MS4A4A: variants seen among roughly 807,000 people sequenced by gnomAD.
MS4A4A encodes membrane spanning 4-domains A4A.
Under a neutral mutation model 28.0 loss-of-function variants are expected in MS4A4A, and 26 were observed. That is an observed-to-expected ratio of 0.93 (90% confidence interval 0.68 to 1.29). MS4A4A has a LOEUF of 1.29. MS4A4A is among the 50% of genes most tolerant of loss of function. MS4A4A has a pLI of 0.00. For synonymous variants in MS4A4A, 86 were observed against 100.8 expected (o/e 0.85, Z 0.88); for missense variants, 290 against 293.1 (o/e 0.99, Z 0.08).
At chr11:60,285,699 C>T (rs533827004) in intron 1 of MS4A4A, among the ~76,000 whole-genome samples, 10 of 152,104 alleles carry the variant, frequency 6.6e-5, no homozygotes, top group Admixed American at 2.0e-4. Context: ...TTTCAAAAGA[C>T]GAGGAATGTA....
In MS4A4A at chr11:60,302,545, T is replaced by C. The variant is rs760566539; in HGVS notation, c.388-14T>C. 6 of 1,613,014 alleles carry C rather than the reference T, an allele frequency of 3.7e-6. No individual in the cohort carries two copies. The highest frequency in any genetic ancestry group is 2.2e-5 in the East Asian group (1 of 44,874). On this transcript the variant is annotated splice_polypyrimidine_tract_variant and intron_variant, in intron 4 of 6. Transcript: ENST00000337908. ...TGTTGTTGGATTGTTTAATTGATTT[T>C]CATTCCTTTCTAGGTCCGAGGTAGT...
chr11:60,284,747 T>C (rs2084789100), intron 1 of MS4A4A, among the ~76,000 whole-genome samples: 1 of 152,238 alleles, frequency 6.6e-6, no homozygotes, highest in African/African-American at 2.4e-5. Context: ...CAGACCTATA[T>C]CGACACTTTA....
chr11:60,288,473 G>A (rs1358555560), intron 1 of MS4A4A, among the ~76,000 whole-genome samples: 4 of 152,214 alleles, frequency 2.6e-5, no homozygotes, highest in Admixed American at 6.5e-5. Context: ...AGCCCATGGG[G>A]CAGGGATGGA....
chr11:60,281,556 T>C (rs2084755654), intron 1 of MS4A4A, among the ~76,000 whole-genome samples: 1 of 152,172 alleles, frequency 6.6e-6, no homozygotes. Flanking sequence ...CCATCATCCT[T>C]CTAAAACCAT....
At chr11:60,300,404 C>G (rs1317491495) in intron 3 of MS4A4A, among the ~76,000 whole-genome samples, 1 of 151,910 alleles carries the variant, frequency 6.6e-6, no homozygotes, top group African/African-American at 2.4e-5. Flanking sequence ...ATCACGAGGT[C>G]AGGAGATCAA....
At chr11:60,302,340 C>T (rs756689921) in intron 4 of MS4A4A, among the ~76,000 whole-genome samples, 5 of 152,064 alleles carry the variant, frequency 3.3e-5, no homozygotes, top group Non-Finnish European at 4.4e-5. Context: ...TATGTGCCCA[C>T]GGGAATCATC....
chr11:60,283,315 C>T (rs1192505305), intron 1 of MS4A4A, among the ~76,000 whole-genome samples: 2 of 152,178 alleles, frequency 1.3e-5, no homozygotes, highest in Non-Finnish European at 2.9e-5. Context: ...GGTCCTCCCA[C>T]CTTGGCCTCC....
chr11:60,305,311 G>A (rs7126121), intron 5 of MS4A4A, among the ~76,000 whole-genome samples: 38,915 of 152,134 alleles, frequency 0.26, 5,143 homozygotes, highest in Middle Eastern at 0.32. Flanking sequence ...ACACAGTTTG[G>A]TTATCTTATG....
chr11:60,280,752 C>G, intron 1 of MS4A4A, 36 bp downstream of exon 1: 1 of 1,611,530 alleles, frequency 6.2e-7, no homozygotes, highest in African/African-American at 1.3e-5. Flanking sequence ...GGCTTTCGGG[C>G]TGATGGCTTG....
In MS4A4A at chr11:60,294,892, A is replaced by ACTACTTCTTCTTCTTCTT. The variant is rs60374079; in HGVS notation, c.202-2303_202-2302insACTTCTTCTTCTTCTTCT. On this transcript the variant is annotated intron_variant, in intron 2 of 6. Coordinates refer to ENST00000337908, the MANE Select transcript of MS4A4A (RefSeq NM_148975.3). ...GGGTAGTGTTAGTCCTACAACTACT[A>ACTACTTCTTCTTCTTCTT]CTTCTTCTTCTTCTTCTTCTTCTTC... Among the ~76,000 whole-genome samples, 525 of 130,914 alleles carry ACTACTTCTTCTTCTTCTT rather than the reference A, an allele frequency of 4.0e-3. 5 individuals carry two copies. Among genetic ancestry groups the ACTACTTCTTCTTCTTCTT allele is most frequent in the Admixed American group, 4.9e-3 (63 of 12,734 alleles). The allele number at this position is 130,914 out of a possible 152,430, so 85.9% of individuals were successfully genotyped here.
At position 60,308,321 on chromosome 11, in the gene MS4A4A, C is replaced by T; in HGVS notation, c.*143C>T. 2 of 721,178 alleles carry T rather than the reference C, an allele frequency of 2.8e-6. No homozygotes were observed. The highest frequency in any genetic ancestry group is 4.6e-6 in the Non-Finnish European group (2 of 432,350). 44.7% of individuals were successfully genotyped at this position (721,178 alleles called of 1,614,324 possible). The stretch of plus-strand genomic sequence containing the variant: ...TTATTATATGTAATCCAATTATGAA[C>T]TGTGTGTGTATAGAGAGATAATAAA... On this transcript the variant is annotated 3_prime_UTR_variant, in exon 7 of 7. Transcript: ENST00000337908.
chr11:60,291,709 A>G lies in MS4A4A; in HGVS notation c.42-516A>G, dbSNP rs147271022. On this transcript the variant is annotated intron_variant, in intron 1 of 6. Transcript: ENST00000337908. ...GCTACTCGGGAGACTGAGGCAGGAGAATCGTTTGAACCCAGGAGGCAGAGG... is the reference window on the plus strand; with the variant it reads ...GCTACTCGGGAGACTGAGGCAGGAGGATCGTTTGAACCCAGGAGGCAGAGG... Among the ~76,000 whole-genome samples the G allele has an allele frequency of 4.9e-3, 743 of 150,982 alleles. 8 individuals are homozygous for G. Among genetic ancestry groups the G allele is most frequent in the African/African-American group, 0.017 (694 of 40,970 alleles).
chr11:60,300,607 C>T (rs1462245265), intron 3 of MS4A4A, among the ~76,000 whole-genome samples: 1 of 99,976 alleles, frequency 1.0e-5, no homozygotes, highest in African/African-American at 4.2e-5. Context: ...CAGAGCGAGA[C>T]TCCGTCTCAA....
chr11:60,284,995 A>G (rs1298553531), intron 1 of MS4A4A, among the ~76,000 whole-genome samples: 2 of 152,248 alleles, frequency 1.3e-5, no homozygotes, highest in African/African-American at 4.8e-5. Flanking sequence ...GAAGACCTAA[A>G]TAGAAGATAT....
chr11:60,307,833 A>G (rs1424644458), intron 6 of MS4A4A, among the ~76,000 whole-genome samples: 1 of 152,122 alleles, frequency 6.6e-6, no homozygotes, highest in Non-Finnish European at 1.5e-5. Context: ...GGTTTACCCA[A>G]CGTACTGTGC....
intron 2 of MS4A4A, among the ~76,000 whole-genome samples, chr11:60,294,928 T>TCTTCTTCTTCTTCTTCTTCTTCTTCTG (rs1437877207): frequency 2.5e-4 from 38 of 150,680 alleles, no homozygotes; most frequent in African/African-American, 8.3e-4. Context: ...TTCTTCTTCT[T>TCTTCTTCTTCTTCTTCTTCTTCTTCTG]CTTCTTCTTC....
intron 1 of MS4A4A, chr11:60,282,726 G>T: frequency 7.8e-7 from 1 of 1,274,362 alleles, no homozygotes; most frequent in Non-Finnish European, 1.0e-6. Context: ...AAATTAAAAG[G>T]AGAGAGATTC....
At chr11:60,303,635 G>A (rs765589140) in intron 5 of MS4A4A, among the ~76,000 whole-genome samples, 52 of 152,132 alleles carry the variant, frequency 3.4e-4, no homozygotes, top group Non-Finnish European at 7.1e-4. Context: ...TTGAAGCTGG[G>A]AGGCGGAGGT....
chr11:60,286,463 A>C (rs1275794232), intron 1 of MS4A4A, among the ~76,000 whole-genome samples: 1 of 152,224 alleles, frequency 6.6e-6, no homozygotes, highest in African/African-American at 2.4e-5. Flanking sequence ...GATATTATAA[A>C]AGTATTAATT....
Sources: allele counts gnomAD v4.1 joint callset (sites outside exome capture counted in the v4.1 genomes callset), GRCh38; gene constraint gnomAD v4.1.1; transcripts MANE v1.5; gene names NCBI Gene and HGNC (gene_info 2026-07-23, HGNC 2026-07-21).